PDHX: variants seen among roughly 807,000 people sequenced by gnomAD.
PDHX encodes the protein pyruvate dehydrogenase protein X component, mitochondrial.
In PDHX, 33 loss-of-function variants were observed where a neutral mutation model predicts 55.3. The observed-to-expected ratio is 0.60, with a 90% CI of 0.45 to 0.80. The LOEUF is 0.80. Among genes scored for constraint, PDHX ranks in the 30% least tolerant of loss-of-function variants. PDHX has a pLI of 0.00. For missense variants in PDHX, 622 were observed against 619.9 expected (o/e 1.00, Z -0.04); for synonymous variants, 226 against 219.4 (o/e 1.03, Z -0.27).
chr11:34,925,026 A>G (rs998955287), intron 1 of PDHX, among the ~76,000 whole-genome samples: 1 of 152,160 alleles, frequency 6.6e-6, no homozygotes, highest in East Asian at 1.9e-4. Context: ...GGATTGTCCC[A>G]TATTTTGTTT....
At chr11:34,927,330 T>A (rs2133942761) in intron 1 of PDHX, among the ~76,000 whole-genome samples, 1 of 152,218 alleles carries the variant, frequency 6.6e-6, no homozygotes, top group Non-Finnish European at 1.5e-5. Context: ...AAACTAATAC[T>A]AGGAAACGTA....
At chr11:34,989,797 CTTGT>C (rs1236336759) in intron 9 of PDHX, among the ~76,000 whole-genome samples, 1 of 152,088 alleles carries the variant, frequency 6.6e-6, no homozygotes, top group Non-Finnish European at 1.5e-5. Flanking sequence ...TTGAAATTAC[CTTGT>C]TTATTTATTT....
chr11:34,976,853 T>A (rs1458390389), intron 7 of PDHX, among the ~76,000 whole-genome samples: 2 of 152,106 alleles, frequency 1.3e-5, no homozygotes, highest in African/African-American at 4.8e-5. Flanking sequence ...TGTGAATACC[T>A]GTGGGTAAGT....
chr11:34,982,729 C>G (rs61882175), intron 8 of PDHX, among the ~76,000 whole-genome samples: 7,634 of 152,070 alleles, frequency 0.05, 266 homozygotes, highest in African/African-American at 0.095. Context: ...CCAGGAAGAA[C>G]TTGAATCTCT....
chr11:34,984,820 CTG>C (rs770845786), intron 9 of PDHX, 92 bp downstream of exon 9: 37 of 1,246,152 alleles, frequency 3.0e-5, no homozygotes, highest in Non-Finnish European at 3.8e-5. Flanking sequence ...TCTAGTCAGA[CTG>C]TGATTTTTGT....
At chr11:34,965,027 T>C (rs1684484532) in intron 5 of PDHX, among the ~76,000 whole-genome samples, 1 of 152,216 alleles carries the variant, frequency 6.6e-6, no homozygotes, top group Admixed American at 6.5e-5. Flanking sequence ...TGATATTCTA[T>C]TATTGCATAA....
intron 8 of PDHX, among the ~76,000 whole-genome samples, chr11:34,981,144 C>G (rs905570995): frequency 1.3e-5 from 2 of 151,942 alleles, no homozygotes; most frequent in Admixed American, 1.3e-4. Flanking sequence ...TGCTGTCCTT[C>G]CCCCCTCCCC....
intron 3 of PDHX, among the ~76,000 whole-genome samples, chr11:34,953,723 A>G (rs1012673674): frequency 1.3e-5 from 2 of 152,224 alleles, no homozygotes; most frequent in Admixed American, 1.3e-4. Context: ...CTCTGATGTT[A>G]GACTACATTT....
chr11:34,962,090 A>T (rs1007174959), intron 5 of PDHX, among the ~76,000 whole-genome samples: 1 of 152,214 alleles, frequency 6.6e-6, no homozygotes, highest in African/African-American at 2.4e-5. Flanking sequence ...GAGGATTAGG[A>T]ATAAGAGTCT....
At chr11:34,922,407 A>G (rs12295408) in intron 1 of PDHX, among the ~76,000 whole-genome samples, 28,810 of 152,136 alleles carry the variant, frequency 0.19, 3,899 homozygotes, top group African/African-American at 0.39. Context: ...CTCATTTAAT[A>G]CTCACAACTA....
At chr11:34,948,331 A>G (rs1459093140) in intron 3 of PDHX, among the ~76,000 whole-genome samples, 1 of 152,188 alleles carries the variant, frequency 6.6e-6, no homozygotes, top group Non-Finnish European at 1.5e-5. Context: ...CAACTGGATA[A>G]TAAGTATCCA....
At chr11:34,976,390 C>A (rs780610859) in intron 7 of PDHX, among the ~76,000 whole-genome samples, 8 of 152,114 alleles carry the variant, frequency 5.3e-5, no homozygotes, top group Non-Finnish European at 1.2e-4. Context: ...TGGAAAATCT[C>A]CATTATAAAG....
rs552044503 is a variant in PDHX, at chr11:34,956,477, T to C, written c.343-907T>C. ...GCTAATGAACCTTATTTAGAGTAATTGAAAGGGAATAATAGAAGATTTTAA... is the reference window on the plus strand; with the variant it reads ...GCTAATGAACCTTATTTAGAGTAATCGAAAGGGAATAATAGAAGATTTTAA... On this transcript the variant is annotated intron_variant, in intron 3 of 10. Transcript: ENST00000227868. Among the ~76,000 whole-genome samples, 12 of 152,244 alleles carry C rather than the reference T, an allele frequency of 7.9e-5. No individual in the cohort carries two copies. In the East Asian group the frequency reaches 2.1e-3, roughly 27 times the overall value.
At chr11:34,988,342 T>C (rs1484597206) in intron 9 of PDHX, among the ~76,000 whole-genome samples, 2 of 152,114 alleles carry the variant, frequency 1.3e-5, no homozygotes, top group African/African-American at 2.4e-5. Flanking sequence ...TAATTTGATA[T>C]GGTTGATGAA....
intron 9 of PDHX, among the ~76,000 whole-genome samples, chr11:34,988,968 G>GA (rs1397675953): frequency 6.6e-6 from 1 of 152,080 alleles, no homozygotes; most frequent in Non-Finnish European, 1.5e-5. Context: ...GTATGAGTAG[G>GA]AAAAAATAGT....
In PDHX at chr11:34,994,948, T is replaced by C. The variant is rs553438817; in HGVS notation, c.1282T>C (p.Phe428Leu). ...SNLGMFGIDE[F>L]TAVINPPQAC... ...CTTGGGGATGTTTGGCATCGACGAA[T>C]TTACTGCAGTGATTAACCCTCCTCA... The change falls in exon 11 of 11, where the codon TTT (phenylalanine) becomes CTT (leucine). Residue 428 changes from phenylalanine (F) to leucine (L), a missense_variant. Coordinates refer to ENST00000227868, the MANE Select transcript of PDHX (RefSeq NM_003477.3). 1 of 1,613,980 alleles carries C rather than the reference T, an allele frequency of 6.2e-7. No homozygotes were observed. The highest frequency in any genetic ancestry group is 1.3e-5 in the African/African-American group (1 of 75,024).
At chr11:34,977,298 T>C (rs1335981464) in intron 7 of PDHX, among the ~76,000 whole-genome samples, 1 of 152,140 alleles carries the variant, frequency 6.6e-6, no homozygotes, top group Non-Finnish European at 1.5e-5. Context: ...AAGAATCAAG[T>C]GTTGTTTACA....
chr11:34,978,573 G>A (rs1176057687), intron 8 of PDHX, among the ~76,000 whole-genome samples: 4 of 152,114 alleles, frequency 2.6e-5, no homozygotes, highest in African/African-American at 9.7e-5. Context: ...CAAAAGGGAA[G>A]CGAGGGAAGC....
chr11:34,962,811 C>T (rs1855047018), intron 5 of PDHX, among the ~76,000 whole-genome samples: 1 of 152,064 alleles, frequency 6.6e-6, no homozygotes, highest in South Asian at 2.1e-4. Flanking sequence ...GTGCTTAATA[C>T]ATATATGATG....
Sources: allele counts gnomAD v4.1 joint callset (sites outside exome capture counted in the v4.1 genomes callset), GRCh38; gene constraint gnomAD v4.1.1; transcripts MANE v1.5; gene names NCBI Gene and HGNC (gene_info 2026-07-23, HGNC 2026-07-21).